Variants in MIPOL1 observed in about 807,000 individuals in gnomAD.
MIPOL1 encodes mirror-image polydactyly gene 1 protein.
In MIPOL1, 57 loss-of-function variants were observed where a neutral mutation model predicts 60.9. The observed-to-expected ratio is 0.94, with a 90% confidence interval of 0.76 to 1.17. The LOEUF (loss-of-function observed/expected upper bound fraction) is 1.17, where lower values mean the gene tolerates loss of function less well. Ranked by LOEUF, MIPOL1 falls within the 50% of genes most tolerant of loss-of-function variation. The pLI is 0.00. For synonymous variants in MIPOL1, 179 were observed against 168.8 expected, an observed-to-expected ratio of 1.06 and a Z score of -0.47; for missense variants, 551 against 511.6, an observed-to-expected ratio of 1.08 and a Z score of -0.74.
chr14:37,215,304 A>G (rs1231106294), intron 1 of MIPOL1, among the ~76,000 whole-genome samples: 2 of 150,512 alleles, frequency 1.3e-5, no homozygotes, highest in African/African-American at 2.4e-5. Context: ...TGGAGCCACT[A>G]CTGGTCTCTG....
intron 7 of MIPOL1, among the ~76,000 whole-genome samples, chr14:37,300,336 T>A (rs556358014): frequency 6.8e-4 from 99 of 144,612 alleles, no homozygotes; most frequent in Non-Finnish European, 1.3e-3. Flanking sequence ...TATTCATTTA[T>A]TCAGCCATTT....
intron 9 of MIPOL1, among the ~76,000 whole-genome samples, chr14:37,312,919 A>G (rs1375821204): frequency 6.6e-6 from 1 of 152,206 alleles, no homozygotes; most frequent in Non-Finnish European, 1.5e-5. Context: ...GATCTTTCAG[A>G]TTATTATTCT....
intron 12 of MIPOL1, among the ~76,000 whole-genome samples, chr14:37,544,411 G>A (rs776089282): frequency 3.9e-5 from 6 of 152,134 alleles, no homozygotes; most frequent in Admixed American, 6.5e-5. Flanking sequence ...ATTTAAAATG[G>A]AGAAATCCTA....
At chr14:37,270,061 T>A (rs948571405) in intron 5 of MIPOL1, among the ~76,000 whole-genome samples, 1 of 152,108 alleles carries the variant, frequency 6.6e-6, no homozygotes, top group African/African-American at 2.4e-5. Flanking sequence ...ACTCCTGACC[T>A]CAGGTGATCT....
chr14:37,287,597 A>G (rs902923266), intron 7 of MIPOL1, among the ~76,000 whole-genome samples: 12 of 152,200 alleles, frequency 7.9e-5, no homozygotes, highest in Admixed American at 7.9e-4. Flanking sequence ...AGTGGGTGCT[A>G]TGTAAGTATT....
At chr14:37,490,759 G>C (rs974369178) in intron 11 of MIPOL1, among the ~76,000 whole-genome samples, 1 of 152,128 alleles carries the variant, frequency 6.6e-6, no homozygotes, top group African/African-American at 2.4e-5. Context: ...CCCTGCTTCA[G>C]CTCACCTCCA....
chr14:37,484,677 A>G (rs1349614776), intron 11 of MIPOL1, among the ~76,000 whole-genome samples: 2 of 151,934 alleles, frequency 1.3e-5, no homozygotes, highest in East Asian at 1.9e-4. Flanking sequence ...TGAAGTTGTG[A>G]TAGTTTTTTT....
intron 12 of MIPOL1, among the ~76,000 whole-genome samples, chr14:37,511,731 A>T (rs984312399): frequency 5.3e-5 from 8 of 152,196 alleles, no homozygotes. Context: ...AAGTAATTAC[A>T]ACCAGGCTTA....
chr14:37,356,441 C>T (rs905357737), intron 9 of MIPOL1, among the ~76,000 whole-genome samples: 1 of 152,126 alleles, frequency 6.6e-6, no homozygotes, highest in African/African-American at 2.4e-5. Context: ...CCACCCAGTT[C>T]GAGCTTCCAG....
intron 11 of MIPOL1, among the ~76,000 whole-genome samples, chr14:37,458,656 T>C (rs937021996): frequency 1.4e-4 from 20 of 147,118 alleles, no homozygotes; most frequent in Admixed American, 6.8e-5. Flanking sequence ...CCGTCTCTAC[T>C]AAAAAAAAAA....
At chr14:37,364,884 T>G (rs2092417799) in intron 9 of MIPOL1, among the ~76,000 whole-genome samples, 1 of 152,174 alleles carries the variant, frequency 6.6e-6, no homozygotes. Context: ...TTTTTGGTGT[T>G]CTCTTTAATT....
At position 37,268,736 on chromosome 14, in the gene MIPOL1, G is replaced by A. The variant is rs144389122; in HGVS notation, c.330G>A (p.Glu110=). Residue 110 remains glutamate (E), a synonymous_variant, in exon 5 of 13, where the codon GAG becomes GAA. Coordinates refer to ENST00000684589, the MANE Select transcript of MIPOL1 (RefSeq NM_001388067.1). ...PCQVTSDSDK[E]KTIAFLLKEL... ...AAGTTACTTCAGACTCAGATAAAGA[G>A]AAGACAATAGCATTTCTTCTAAAAG... 7.1e-4 allele frequency: 1,130 copies of A among 1,596,880 alleles called. 1 individual carries two copies. The highest frequency in any genetic ancestry group is 3.9e-3 in the African/African-American group (290 of 74,354).
chr14:37,325,446 A>G (rs907372921), intron 9 of MIPOL1, among the ~76,000 whole-genome samples: 3 of 151,972 alleles, frequency 2.0e-5, no homozygotes, highest in African/African-American at 7.2e-5. Context: ...CTTAACTTAA[A>G]TAACTACCTT....
intron 3 of MIPOL1, among the ~76,000 whole-genome samples, chr14:37,265,736 G>A (rs2082829443): frequency 6.6e-6 from 1 of 152,120 alleles, no homozygotes; most frequent in Non-Finnish European, 1.5e-5. Flanking sequence ...GGGAGTCTGA[G>A]GTGGGAGGAT....
At chr14:37,381,146 G>A (rs1257660516) in intron 10 of MIPOL1, among the ~76,000 whole-genome samples, 1 of 152,024 alleles carries the variant, frequency 6.6e-6, no homozygotes, top group Non-Finnish European at 1.5e-5. Flanking sequence ...AATTGAATAT[G>A]TAAGACTCTC....
chr14:37,506,987 A>G (rs1349081679), intron 12 of MIPOL1: 1 of 152,260 alleles, frequency 6.6e-6, no homozygotes, highest in Non-Finnish European at 1.5e-5. Flanking sequence ...TATGCAGTCA[A>G]CAGACATATG....
intron 9 of MIPOL1, among the ~76,000 whole-genome samples, chr14:37,324,113 G>A (rs2088901449): frequency 6.6e-6 from 1 of 151,948 alleles, no homozygotes; most frequent in Non-Finnish European, 1.5e-5. Flanking sequence ...AGATAGGGAT[G>A]TATTTATTTT....
At chr14:37,273,296 A>C (rs1053771236) in intron 6 of MIPOL1, among the ~76,000 whole-genome samples, 1 of 150,852 alleles carries the variant, frequency 6.6e-6, no homozygotes, top group Non-Finnish European at 1.5e-5. Context: ...TTTTCAGTGA[A>C]CAGTTTCTGC....
chr14:37,358,657 A>G (rs1056935709), intron 9 of MIPOL1, among the ~76,000 whole-genome samples: 1 of 151,606 alleles, frequency 6.6e-6, no homozygotes, highest in Non-Finnish European at 1.5e-5. Context: ...GTCTGTTAAT[A>G]CCCTTTGCCC....
Sources: allele counts gnomAD v4.1 joint callset (sites outside exome capture counted in the v4.1 genomes callset), GRCh38; gene constraint gnomAD v4.1.1; transcripts MANE v1.5; gene names NCBI Gene and HGNC (gene_info 2026-07-23, HGNC 2026-07-21).